Variants in DACH1 observed in about 807,000 individuals in gnomAD.
DACH1 encodes dachshund family transcription factor 1, also known as dachshund homolog 1.
Under a neutral mutation model 54.2 loss-of-function variants are expected in DACH1, and 12 were observed. The ratio of observed to expected loss-of-function variants is 0.22; its 90% confidence interval spans 0.14 to 0.36. DACH1 has a LOEUF of 0.36. DACH1 is among the 10% of genes least tolerant of loss of function. DACH1 has a pLI of 1.00. For synonymous variants in DACH1, 386 were observed against 366.2 expected (o/e 1.05, Z -0.62); for missense variants, 805 against 929.8 (o/e 0.87, Z 1.75).
intron 3 of DACH1, among the ~76,000 whole-genome samples, chr13:71,629,514 G>A (rs1291021598): frequency 2.0e-5 from 3 of 152,078 alleles, no homozygotes; most frequent in African/African-American, 7.2e-5. Context: ...TAATATTCAT[G>A]TCTGTGTATG....
intron 1 of DACH1, among the ~76,000 whole-genome samples, chr13:71,816,338 G>A (rs1264308571): frequency 6.6e-6 from 1 of 151,732 alleles, no homozygotes; most frequent in Non-Finnish European, 1.5e-5. Flanking sequence ...TACTTCTTGG[G>A]GAAAGGCAAG....
chr13:71,448,187 A>G (rs1374571846), intron 10 of DACH1, among the ~76,000 whole-genome samples: 2 of 152,236 alleles, frequency 1.3e-5, no homozygotes, highest in African/African-American at 2.4e-5. Flanking sequence ...ACAGTTGTAC[A>G]TGCAGATGCC....
intron 2 of DACH1, among the ~76,000 whole-genome samples, chr13:71,647,655 G>A (rs1878384018): frequency 6.6e-6 from 1 of 152,112 alleles, no homozygotes; most frequent in South Asian, 2.1e-4. Context: ...GATAGAACAT[G>A]GGGCTGAGAC....
chr13:71,698,022 A>G (rs1881918058), intron 1 of DACH1, among the ~76,000 whole-genome samples: 1 of 152,154 alleles, frequency 6.6e-6, no homozygotes, highest in Non-Finnish European at 1.5e-5. Context: ...CAAATTAAAA[A>G]CATTTTTAAG....
chr13:71,458,180 A>G (rs1160805060), intron 10 of DACH1, among the ~76,000 whole-genome samples: 8 of 151,980 alleles, frequency 5.3e-5, no homozygotes, highest in Admixed American at 5.3e-4. Context: ...AATTTACTAT[A>G]TTGATTTCAG....
intron 1 of DACH1, among the ~76,000 whole-genome samples, chr13:71,721,972 G>T (rs1161112078): frequency 2.0e-5 from 3 of 151,992 alleles, no homozygotes; most frequent in African/African-American, 7.2e-5. Flanking sequence ...GATAGAATTA[G>T]AAATTATGCT....
intron 1 of DACH1, among the ~76,000 whole-genome samples, chr13:71,837,082 C>T (rs73503548): frequency 1.4e-3 from 215 of 151,612 alleles, no homozygotes; most frequent in African/African-American, 4.9e-3. Flanking sequence ...AATGTGAAAA[C>T]GAAAGATTAA....
rs1001159137 is a variant in DACH1, at chr13:71,865,912, C to T, written c.848+10G>A. On this transcript the variant is annotated intron_variant, in intron 1 of 10. Transcript: ENST00000613252. ...GGCGCGGGCGGCGGGGGCTATCCCC[C>T]CCGACTCACCTTGCGTTGGTGCAGT... 5 of 1,593,842 alleles carry T rather than the reference C, an allele frequency of 3.1e-6. No homozygotes were observed. Among genetic ancestry groups the T allele is most frequent in the Admixed American group, 3.4e-5 (2 of 58,340 alleles).
At chr13:71,498,196 T>C (rs1362329754) in intron 6 of DACH1, among the ~76,000 whole-genome samples, 1 of 152,206 alleles carries the variant, frequency 6.6e-6, no homozygotes, top group Admixed American at 6.5e-5. Context: ...CAGTGAGTCT[T>C]AACTTTTGAA....
chr13:71,572,956 G>C lies in DACH1; in HGVS notation c.1183C>G (p.Pro395Ala). ...PHPLIPVSLP[P>A]ASVTMAMSQM... ...CTCATTGCCATGGTGACAGATGCTG[G>C]AGGTAGGCTGACAGGAATTAGAGGG... Residue 395 changes from proline (P) to alanine (A), a missense_variant, in exon 4 of 11, where the codon CCA becomes GCA. Physicochemically the swap from Pro to Ala is conservative, Grantham distance 27. Coordinates refer to ENST00000613252, the MANE Select transcript of DACH1 (RefSeq NM_080759.6). 6.2e-7 allele frequency: 1 copy of C among 1,614,132 alleles called. No individual in the cohort carries two copies. The highest frequency in any genetic ancestry group is 8.5e-7 in the Non-Finnish European group (1 of 1,180,002).
intron 7 of DACH1, among the ~76,000 whole-genome samples, chr13:71,485,338 T>G (rs912187756): frequency 1.3e-5 from 2 of 151,356 alleles, no homozygotes; most frequent in Non-Finnish European, 2.9e-5. Flanking sequence ...ATTAAATTAG[T>G]TTTTTACTCT....
At chr13:71,525,136 A>G (rs1337555272) in intron 6 of DACH1, among the ~76,000 whole-genome samples, 3 of 152,146 alleles carry the variant, frequency 2.0e-5, no homozygotes, top group Non-Finnish European at 2.9e-5. Flanking sequence ...AAATTTAAAC[A>G]TATTCTCAAG....
At chr13:71,475,356 G>C in intron 9 of DACH1, 147 bp from the exon 10 acceptor site, 3 of 734,930 alleles carry the variant, frequency 4.1e-6, no homozygotes, top group Non-Finnish European at 6.8e-6. Context: ...AACTGTAACC[G>C]TAAGAATTTT....
intron 1 of DACH1, among the ~76,000 whole-genome samples, chr13:71,763,637 A>G (rs1885494005): frequency 2.6e-5 from 4 of 152,038 alleles, no homozygotes; most frequent in South Asian, 4.1e-4. Context: ...AGCTAAGACT[A>G]CAGGTGCACA....
At chr13:71,521,352 T>C (rs188106878) in intron 6 of DACH1, among the ~76,000 whole-genome samples, 4 of 152,164 alleles carry the variant, frequency 2.6e-5, no homozygotes, top group Admixed American at 2.6e-4. Flanking sequence ...GATTTTGTCA[T>C]CTTAAAAATA....
chr13:71,693,764 T>C (rs1325850735), intron 1 of DACH1, among the ~76,000 whole-genome samples: 2 of 152,144 alleles, frequency 1.3e-5, no homozygotes, highest in Non-Finnish European at 2.9e-5. Context: ...TCTATTTTAT[T>C]CTTGTTGTTC....
rs112644737 is a variant in DACH1, at chr13:71,725,099, T to G, written c.849-43189A>C. Among the ~76,000 whole-genome samples the G allele has an allele frequency of 1.8e-3, 267 of 152,150 alleles. 2 individuals carry two copies. The highest frequency in any genetic ancestry group is 5.9e-3 in the African/African-American group (244 of 41,526). On this transcript the variant is annotated intron_variant, in intron 1 of 10. Transcript: ENST00000613252. ...TAAAAAAAAAATTCAAAAGAAAACTTGAAAATAATGGTTTTGAACATAAAA... is the reference window on the plus strand; with the variant it reads ...TAAAAAAAAAATTCAAAAGAAAACTGGAAAATAATGGTTTTGAACATAAAA...
At chr13:71,618,379 T>G (rs542035374) in intron 3 of DACH1, among the ~76,000 whole-genome samples, 1 of 152,238 alleles carries the variant, frequency 6.6e-6, no homozygotes. Context: ...CATTTTGGAA[T>G]GTTGCCAAAG....
intron 7 of DACH1, among the ~76,000 whole-genome samples, chr13:71,485,575 C>CTTTTTTTTTTTTTTTTTTTTTTTTTTT (rs68024614): frequency 2.2e-5 from 1 of 46,150 alleles, no homozygotes; most frequent in African/African-American, 7.8e-5. Flanking sequence ...TTCTTTTCTT[C>CTTTTTTTTTTTTTTTTTTTTTTTTTTT]TTTTTTTTTT....
Sources: gnomAD v4.1 joint callset for allele counts (sites outside exome capture counted in the v4.1 genomes callset) on GRCh38, gnomAD v4.1.1 for gene constraint, MANE v1.5 for transcripts, NCBI Gene and HGNC (gene_info 2026-07-23, HGNC 2026-07-21) for gene names.